ABCC8: variants seen among roughly 807,000 people sequenced by gnomAD.
ABCC8 encodes the protein ATP-binding cassette sub-family C member 8.
Under a neutral mutation model 188.0 loss-of-function variants are expected in ABCC8, and 137 were observed. The ratio of observed to expected loss-of-function variants is 0.73; its 90% CI spans 0.63 to 0.84. ABCC8 has a LOEUF of 0.84. ABCC8 is among the 40% of genes least tolerant of loss of function. The pLI is 0.00. For missense variants in ABCC8, 1,750 were observed against 2,072.7 expected, an observed-to-expected ratio of 0.84 and a Z score of 3.02; for synonymous variants, 797 against 846.5, an observed-to-expected ratio of 0.94 and a Z score of 1.01.
intron 16 of ABCC8, among the ~76,000 whole-genome samples, chr11:17,426,261 A>G (rs1955578380): frequency 1.3e-5 from 2 of 152,166 alleles, no homozygotes; most frequent in Non-Finnish European, 2.9e-5. Context: ...GAATCACCGC[A>G]CTGTCTTCCA....
At chr11:17,426,873 A>G (rs1955603272) in intron 16 of ABCC8, among the ~76,000 whole-genome samples, 176 bp downstream of exon 16, 1 of 152,260 alleles carries the variant, frequency 6.6e-6, no homozygotes, top group African/African-American at 2.4e-5. Flanking sequence ...GAACCTGCGC[A>G]TAGTAAGAGG....
At chr11:17,439,494 C>T (rs1956230322) in intron 10 of ABCC8, among the ~76,000 whole-genome samples, 1 of 152,100 alleles carries the variant, frequency 6.6e-6, no homozygotes. Context: ...GTGTCTTGAT[C>T]CCTGGTAACA....
intron 10 of ABCC8, among the ~76,000 whole-genome samples, chr11:17,434,982 C>CGTGTGTGT (rs1491382729): frequency 2.5e-4 from 16 of 62,756 alleles, no homozygotes; most frequent in African/African-American, 7.2e-4. Flanking sequence ...TGCGTGTGTT[C>CGTGTGTGT]GCGTGTGTGT....
intron 10 of ABCC8, 57 bp from the exon 11 acceptor site, chr11:17,432,301 AGAT>A: frequency 6.4e-7 from 1 of 1,551,634 alleles, no homozygotes; most frequent in South Asian, 1.2e-5. Flanking sequence ...CTACACATGG[AGAT>A]GCCCAGGATG....
intron 6 of ABCC8, 34 bp from the exon 7 acceptor site, chr11:17,453,317 T>C: frequency 6.2e-7 from 1 of 1,612,826 alleles, no homozygotes; most frequent in Non-Finnish European, 8.5e-7. Context: ...GTGACTGTCA[T>C]TGCCAGCAAA....
chr11:17,424,397 G>T (rs1955491111), intron 16 of ABCC8, among the ~76,000 whole-genome samples: 1 of 152,166 alleles, frequency 6.6e-6, no homozygotes, highest in Non-Finnish European at 1.5e-5. Flanking sequence ...TCCCTGGGCT[G>T]GGGCAGAGGT....
intron 7 of ABCC8, among the ~76,000 whole-genome samples, chr11:17,452,739 A>G (rs959646091): frequency 1.3e-5 from 2 of 152,220 alleles, no homozygotes; most frequent in African/African-American, 4.8e-5. Flanking sequence ...CCCAAAGAAG[A>G]CTGTCTGGTA....
At chr11:17,398,649 ACT>A in intron 29 of ABCC8, 1 of 484,098 alleles carries the variant, frequency 2.1e-6, no homozygotes, top group Non-Finnish European at 2.7e-6. Flanking sequence ...CCTCCTCCAA[ACT>A]CTTGTTTTCA....
intron 16 of ABCC8, among the ~76,000 whole-genome samples, chr11:17,426,654 C>G (rs892954075): frequency 6.6e-6 from 1 of 152,160 alleles, no homozygotes; most frequent in African/African-American, 2.4e-5. Flanking sequence ...CAATTTCCCA[C>G]ACTGGGAAAT....
Position 17,470,099 on chromosome 11 carries a change from A to G in ABCC8, c.412+2T>C. 1.9e-6 allele frequency: 3 copies of G among 1,614,010 alleles called. No homozygotes were observed. Among genetic ancestry groups the G allele is most frequent in the Non-Finnish European group, 2.5e-6 (3 of 1,180,004 alleles). On this transcript the variant is annotated splice_donor_variant, in intron 3 of 38. Transcript: ENST00000389817. LOFTEE classifies it high-confidence loss of function. ...TGCCCCTCCCTCCTACACCTCACCT[A>G]CCAATTAGCAGCTTGGGGAAGTTGG...
intron 13 of ABCC8, 22 bp downstream of exon 13, chr11:17,428,543 C>A: frequency 6.2e-7 from 1 of 1,613,722 alleles, no homozygotes. Flanking sequence ...CTGGGAGTAG[C>A]AAGGGGAGGC....
Position 17,417,180 on chromosome 11 carries a change from A to ATG in ABCC8, c.2223-219_2223-218insCA, listed in dbSNP as rs558819630. Among the ~76,000 whole-genome samples the ATG allele has an allele frequency of 9.2e-5, 14 of 152,320 alleles. No homozygotes were observed. The South Asian group carries it at 2.7e-3, about 29-fold the overall frequency. ...GTACCCTCCAAATAGCATGTGCTAA[A>ATG]TCAGCGTTCCTGGCATTGACTCGGA... On this transcript the variant is annotated intron_variant, in intron 16 of 38. Coordinates refer to ENST00000389817, the MANE Select transcript of ABCC8 (RefSeq NM_000352.6).
intron 27 of ABCC8, among the ~76,000 whole-genome samples, chr11:17,405,250 C>T (rs1051570236): frequency 2.6e-5 from 4 of 152,274 alleles, no homozygotes; most frequent in Non-Finnish European, 1.5e-5. Context: ...TGGAACTTTA[C>T]TAGAGAAAGC....
chr11:17,416,356 G>T (rs1029285185), intron 17 of ABCC8, among the ~76,000 whole-genome samples: 2 of 152,044 alleles, frequency 1.3e-5, no homozygotes, highest in Non-Finnish European at 2.9e-5. Context: ...TGAATTTTCT[G>T]CCTGGCCTGA....
chr11:17,464,728 T>A (rs999648762), intron 3 of ABCC8, among the ~76,000 whole-genome samples: 5 of 152,208 alleles, frequency 3.3e-5, no homozygotes, highest in Non-Finnish European at 7.4e-5. Context: ...AATAAATCAC[T>A]GTCAGCTTCC....
intron 26 of ABCC8, among the ~76,000 whole-genome samples, chr11:17,406,030 T>C (rs912973017): frequency 2.0e-5 from 3 of 152,238 alleles, no homozygotes; most frequent in Admixed American, 6.5e-5. Context: ...AGAAAACTCA[T>C]GAGGCTGGAA....
chr11:17,408,650 C>CT, intron 22 of ABCC8, 133 bp from the exon 23 acceptor site: 12 of 1,415,094 alleles, frequency 8.5e-6, no homozygotes, highest in African/African-American at 2.9e-5. Context: ...AGCTCATCCA[C>CT]TGCAAGTGGG....
rs370913094 is a variant in ABCC8 at position 17,414,465 on chromosome 11, G to A, written c.2390+47C>T. The A allele has an allele frequency of 2.5e-6, 4 of 1,610,030 alleles. No homozygotes were observed. In the African/African-American group the frequency reaches 4.0e-5, roughly 16 times the overall value. On this transcript the variant is annotated intron_variant, in intron 19 of 38. Coordinates refer to ENST00000389817, the MANE Select transcript of ABCC8 (RefSeq NM_000352.6). ...CCGGAACTGGGGCAGGCTGGCCAGA[G>A]ACAGTTCCTCCCCTCCACATCCTGC...
At position 17,473,977 on chromosome 11, in the gene ABCC8, C is replaced by A. The variant is rs56179056; in HGVS notation, c.290+909G>T. ...CCTGTGTTTAATGCTCCAGCCCCTG[C>A]GCTGCTCCCTAGCCCTACCTGCTTT... On this transcript the variant is annotated intron_variant, in intron 2 of 38. Coordinates refer to ENST00000389817, the MANE Select transcript of ABCC8 (RefSeq NM_000352.6). Among the ~76,000 whole-genome samples the A allele has an allele frequency of 2.3e-3, 344 of 152,224 alleles. 1 individual carries two copies. Among genetic ancestry groups the A allele is most frequent in the Middle Eastern group, 0.014 (4 of 294 alleles).
Sources: allele counts gnomAD v4.1 joint callset (sites outside exome capture counted in the v4.1 genomes callset), GRCh38; gene constraint gnomAD v4.1.1; transcripts MANE v1.5; gene names NCBI Gene and HGNC (gene_info 2026-07-23, HGNC 2026-07-21).